GALNT13: variants seen among roughly 807,000 people sequenced by gnomAD.
GALNT13 encodes the protein polypeptide N-acetylgalactosaminyltransferase 13, also known as UDP-GalNAc:polypeptide N-acetylgalactosaminyltransferase 13.
In GALNT13, 28 loss-of-function variants were observed where a neutral mutation model predicts 64.2. The ratio of observed to expected loss-of-function variants is 0.44; its 90% CI spans 0.32 to 0.60. The LOEUF (loss-of-function observed/expected upper bound fraction) is 0.60, where lower values mean the gene tolerates loss of function less well. GALNT13 is among the 20% of genes least tolerant of loss of function. The pLI is 0.05. For synonymous variants in GALNT13, 214 were observed against 224.6 expected (o/e 0.95, Z 0.42); for missense variants, 577 against 669.8 (o/e 0.86, Z 1.53).
rs187943881 is a variant in GALNT13 at position 154,168,248 on chromosome 2, G to A, written c.311+27743G>A. On this transcript the variant is annotated intron_variant, in intron 4 of 12. Coordinates refer to ENST00000392825, the MANE Select transcript of GALNT13 (RefSeq NM_052917.4). The stretch of plus-strand genomic sequence containing the variant: ...AACTGCAGAATCTGCAGAGTGTATC[G>A]GCAGACTGGAGACCCAGGGAAGACA... Among the ~76,000 whole-genome samples, 233 of 152,168 alleles carry A rather than the reference G, an allele frequency of 1.5e-3. 1 individual carries two copies. Among genetic ancestry groups the A allele is most frequent in the Non-Finnish European group, 2.8e-3 (189 of 68,010 alleles).
the GALNT13 span, among the ~76,000 whole-genome samples, chr2:153,305,451 G>T: frequency 2.0e-5 from 3 of 152,124 alleles, no homozygotes; most frequent in African/African-American, 7.2e-5. Flanking sequence ...TCAGGATTTC[G>T]AAGTGTTTTA....
intron 1 of GALNT13, among the ~76,000 whole-genome samples, chr2:153,891,891 G>T (rs55656246): frequency 6.6e-6 from 1 of 151,710 alleles, no homozygotes; most frequent in Admixed American, 6.6e-5. Context: ...TTCAGGATTC[G>T]CTGAATTGAT....
At chr2:153,903,194 T>C (rs1350685588) in intron 2 of GALNT13, among the ~76,000 whole-genome samples, 2 of 151,952 alleles carry the variant, frequency 1.3e-5, no homozygotes, top group African/African-American at 4.8e-5. Flanking sequence ...GTCATCTTAA[T>C]CTGATTTGTC....
rs574600062 is a variant in GALNT13 at position 154,247,648 on chromosome 2, C to T, written c.857+1666C>T. ...TATGTAGAAATCAATCATTATTACT[C>T]ATCTTTCATTAACTAAACCAAAAGA... On this transcript the variant is annotated intron_variant, in intron 7 of 12. Coordinates refer to ENST00000392825, the MANE Select transcript of GALNT13 (RefSeq NM_052917.4). Among the ~76,000 whole-genome samples the T allele has an allele frequency of 1.9e-4, 29 of 152,172 alleles. No individual in the cohort carries two copies. The South Asian group carries it at 6.0e-3, about 31-fold the overall frequency.
At chr2:153,828,800 T>G in the GALNT13 span, among the ~76,000 whole-genome samples, 6 of 152,292 alleles carry the variant, frequency 3.9e-5, no homozygotes, top group East Asian at 1.2e-3. Flanking sequence ...GCCTCAAATT[T>G]TCTGAACTTT....
intron 12 of GALNT13, chr2:154,446,546 C>T (rs574569026): frequency 2.0e-5 from 30 of 1,514,416 alleles, no homozygotes; most frequent in African/African-American, 4.2e-5. Context: ...TGTCATTATT[C>T]GTTATTTTCT....
At chr2:153,674,945 A>G in the GALNT13 span, among the ~76,000 whole-genome samples, 1 of 152,242 alleles carries the variant, frequency 6.6e-6, no homozygotes, top group Non-Finnish European at 1.5e-5. Context: ...ATATGAAAAA[A>G]TGCTCATTAT....
At chr2:153,639,044 GTTTTGTTTTGTTTTGTTTTGT>G in the GALNT13 span, among the ~76,000 whole-genome samples, 2 of 35,252 alleles carry the variant, frequency 5.7e-5, no homozygotes, top group Admixed American at 9.0e-4. Flanking sequence ...GAATTGTTTT[GTTTTGTTTTGTTTTGTTTTGT>G]TTTGTTTTGT....
At chr2:153,343,815 G>A in the GALNT13 span, among the ~76,000 whole-genome samples, 17 of 151,944 alleles carry the variant, frequency 1.1e-4, no homozygotes, top group African/African-American at 4.1e-4. Flanking sequence ...ATTTCTAAGT[G>A]AAATCTAAGA....
At chr2:153,809,498 C>A in the GALNT13 span, among the ~76,000 whole-genome samples, 1 of 152,084 alleles carries the variant, frequency 6.6e-6, no homozygotes, top group Admixed American at 6.5e-5. Flanking sequence ...GCATGTATCT[C>A]CTTTTAATCA....
chr2:153,563,606 T>A, the GALNT13 span, among the ~76,000 whole-genome samples: 1 of 152,234 alleles, frequency 6.6e-6, no homozygotes, highest in Non-Finnish European at 1.5e-5. Context: ...ATTAATAATA[T>A]AACTTCTTTG....
At chr2:153,804,636 TTAAC>T in the GALNT13 span, among the ~76,000 whole-genome samples, 1 of 152,174 alleles carries the variant, frequency 6.6e-6, no homozygotes, top group East Asian at 1.9e-4. Context: ...TTTTACCTGT[TTAAC>T]TATTTTTTTT....
chr2:153,831,015 G>T, the GALNT13 span, among the ~76,000 whole-genome samples: 1 of 152,048 alleles, frequency 6.6e-6, no homozygotes, highest in East Asian at 1.9e-4. Context: ...TTTCTTTCTA[G>T]CAGCATTGGT....
chr2:154,275,313 C>G (rs1391839319), intron 8 of GALNT13, among the ~76,000 whole-genome samples: 4 of 151,860 alleles, frequency 2.6e-5, no homozygotes, highest in African/African-American at 9.7e-5. Flanking sequence ...CAGCCCTTCC[C>G]ATCACAGGCC....
intron 3 of GALNT13, among the ~76,000 whole-genome samples, chr2:154,096,894 AT>A (rs1702098315): frequency 6.6e-6 from 1 of 152,072 alleles, no homozygotes; most frequent in South Asian, 2.1e-4. Flanking sequence ...TGCCCTGTTA[AT>A]TGAATCAGAG....
Position 154,086,772 on chromosome 2 carries a change from A to G in GALNT13, c.143-53565A>G, listed in dbSNP as rs188795758. ...TTAAGTTATATGTTAGCATACGCGC[A>G]CACACACACACACGCGCACGCGATA... On this transcript the variant is annotated intron_variant, in intron 3 of 12. Transcript: ENST00000392825. 4.7e-3 allele frequency among the ~76,000 whole-genome samples: 420 copies of G among 89,046 alleles called. 8 individuals are homozygous for G. The East Asian group carries it at 0.057, about 12-fold the overall frequency. 58.4% of individuals were successfully genotyped at this position (89,046 alleles called of 152,430 possible). A position where few individuals can be genotyped will look rare whatever the true frequency, so the allele number is the denominator to read the frequency against.
At chr2:154,155,110 A>G (rs1233835916) in intron 4 of GALNT13, among the ~76,000 whole-genome samples, 2 of 152,100 alleles carry the variant, frequency 1.3e-5, no homozygotes, top group Admixed American at 6.5e-5. Flanking sequence ...ATTTTTTACC[A>G]GCTTATGAAA....
the GALNT13 span, chr2:153,478,021 T>C: frequency 1.4e-5 from 8 of 565,840 alleles, no homozygotes; most frequent in African/African-American, 3.8e-5. Flanking sequence ...CACTTTCTGC[T>C]GAGTTCAGAG....
chr2:154,386,900 G>A (rs1698539983), intron 9 of GALNT13, among the ~76,000 whole-genome samples: 1 of 152,108 alleles, frequency 6.6e-6, no homozygotes, highest in Non-Finnish European at 1.5e-5. Context: ...AAGACCTGCT[G>A]TAACTTTTGA....
Sources: allele counts gnomAD v4.1 joint callset (sites outside exome capture counted in the v4.1 genomes callset), GRCh38; gene constraint gnomAD v4.1.1; transcripts MANE v1.5; gene names NCBI Gene and HGNC (gene_info 2026-07-23, HGNC 2026-07-21).